NUP58: variants seen among roughly 807,000 people sequenced by gnomAD.
The protein encoded by NUP58 is nucleoporin p58/p45.
NUP58 carries 17 observed loss-of-function variants against 70.1 expected under a neutral mutation model. That is an observed-to-expected ratio of 0.24 (90% CI 0.17 to 0.36). The LOEUF is 0.36. Ranked by LOEUF, NUP58 falls within the 10% of genes least tolerant of loss-of-function variation. The probability of loss-of-function intolerance (pLI) is 1.00; values close to 1 mark genes in which losing one functional copy is unlikely to be tolerated. For missense variants in NUP58, 644 were observed against 701.5 expected, an observed-to-expected ratio of 0.92 and a Z score of 0.93; for synonymous variants, 275 against 257.6, an observed-to-expected ratio of 1.07 and a Z score of -0.65.
Position 25,338,702 on chromosome 13 carries a change from C to G in NUP58, c.1601C>G (p.Thr534Arg). The G allele has an allele frequency of 3.7e-6, 6 of 1,613,700 alleles. No homozygotes were observed. The highest frequency in any genetic ancestry group is 5.1e-6 in the Non-Finnish European group (6 of 1,179,696). Residue 534 changes from threonine to arginine, a missense_variant, in exon 15 of 16, where the codon ACA becomes AGA. This residue lies in a region of NUP58 where 132 missense variants were observed against 203.9 expected (regional missense o/e 0.65). Coordinates refer to ENST00000381736, the MANE Select transcript of NUP58 (RefSeq NM_014089.4). Reference sequence around the variant, plus strand: ...GCCTCCACATTTGGATTTGGAACAACAAATAAACCCTCAGGAAGTCTTAGT... The same window carrying G: ...GCCTCCACATTTGGATTTGGAACAAGAAATAAACCCTCAGGAAGTCTTAGT... The part of the protein sequence containing the change: ...TGASTFGFGT[T>R]NKPSGSLSAG...
At chr13:25,326,667 A>G (rs1041893644) in intron 10 of NUP58, among the ~76,000 whole-genome samples, 1 of 152,168 alleles carries the variant, frequency 6.6e-6, no homozygotes, top group African/African-American at 2.4e-5. Flanking sequence ...TAACTAAACT[A>G]CTAAACTTAC....
intron 2 of NUP58, among the ~76,000 whole-genome samples, chr13:25,308,844 G>A (rs1262814599): frequency 1.3e-5 from 2 of 152,006 alleles, no homozygotes; most frequent in African/African-American, 2.4e-5. Flanking sequence ...TTTTTGCGTT[G>A]ATCTTCCAGC....
chr13:25,346,447 G>A (rs1300006171), downstream of NUP58, among the ~76,000 whole-genome samples: 5 of 152,122 alleles, frequency 3.3e-5, no homozygotes, highest in African/African-American at 7.2e-5. Context: ...AAGGCCAGGC[G>A]TGGTGCTCAT....
At chr13:25,303,303 C>T (rs974374893) in intron 1 of NUP58, 5 of 353,626 alleles carry the variant, frequency 1.4e-5, no homozygotes, top group African/African-American at 1.1e-4. Flanking sequence ...GAGCGGGACT[C>T]ATCTTGAGCC....
At chr13:25,305,208 A>G (rs939012051) in intron 1 of NUP58, among the ~76,000 whole-genome samples, 8 of 138,318 alleles carry the variant, frequency 5.8e-5, no homozygotes, top group Non-Finnish European at 1.2e-4. Context: ...CAGTGGCGCA[A>G]TCTCAGCCCG....
chr13:25,305,757 G>A (rs2030319637), intron 1 of NUP58, among the ~76,000 whole-genome samples: 1 of 152,114 alleles, frequency 6.6e-6, no homozygotes, highest in Admixed American at 6.5e-5. Context: ...CTGAAGGTGT[G>A]TACATTTCTA....
In NUP58 at chr13:25,315,476, T is replaced by G. The variant is rs2030883887; in HGVS notation, c.685+9T>G. On this transcript the variant is annotated intron_variant, in intron 6 of 15. Coordinates refer to ENST00000381736, the MANE Select transcript of NUP58 (RefSeq NM_014089.4). Reference sequence around the variant, plus strand: ...CTCCTCAGATAAAAAGAGTAAGTAATGCTGTTGTAACTTTATGTTTTAACA... The same window carrying G: ...CTCCTCAGATAAAAAGAGTAAGTAAGGCTGTTGTAACTTTATGTTTTAACA... 1 of 1,572,012 alleles carries G rather than the reference T, an allele frequency of 6.4e-7. No homozygotes were observed. Among genetic ancestry groups the G allele is most frequent in the Non-Finnish European group, 8.7e-7 (1 of 1,143,058 alleles).
Position 25,301,640 on chromosome 13 carries a change from G to T in NUP58, c.-134G>T, listed in dbSNP as rs2029993089. 2.2e-6 allele frequency: 1 copy of T among 461,960 alleles called. No homozygotes were observed. The allele number at this position is 461,960 out of a possible 1,614,324, so 28.6% of individuals were successfully genotyped here. A position where few individuals can be genotyped will look rare whatever the true frequency, so the allele number is the denominator to read the frequency against. On this transcript the variant is annotated 5_prime_UTR_variant, in exon 1 of 16. Transcript: ENST00000381736. ...CCACCCCCTCAGCCTTGCCTTCGCC[G>T]CCGTTGGGGCTGGAAGTTCCCGCCA...
chr13:25,320,859 ATT>A, intron 8 of NUP58, 58 bp from the exon 9 acceptor site: 2 of 1,110,642 alleles, frequency 1.8e-6, no homozygotes, highest in Non-Finnish European at 2.5e-6. Context: ...GTATATATAT[ATT>A]TTGTGTAGGA....
chr13:25,313,849 A>G (rs1343578214), intron 5 of NUP58, 98 bp downstream of exon 5: 5 of 938,888 alleles, frequency 5.3e-6, no homozygotes, highest in South Asian at 4.7e-5. Context: ...TTTAATCTGC[A>G]TATTTTCCTT....
In NUP58 at chr13:25,338,880, C is replaced by G. The variant is rs962946751; in HGVS notation, c.1630+149C>G. 1.2e-4 allele frequency: 65 copies of G among 526,410 alleles called. No individual in the cohort carries two copies. The South Asian group carries it at 1.4e-3, about 11-fold the overall frequency. 32.6% of individuals were successfully genotyped at this position (526,410 alleles called of 1,614,324 possible). ...GATGAAGTGTGCAAGCCTAACTAAT[C>G]ATTTTACTTTATCTCTCTCATAAAC... On this transcript the variant is annotated intron_variant, in intron 15 of 15. Coordinates refer to ENST00000381736, the MANE Select transcript of NUP58 (RefSeq NM_014089.4).
intron 3 of NUP58, among the ~76,000 whole-genome samples, chr13:25,349,163 A>G (rs1361363871): frequency 6.6e-6 from 1 of 152,212 alleles, no homozygotes; most frequent in Non-Finnish European, 1.5e-5. Flanking sequence ...CTCCCATATT[A>G]GGCTGCATAA....
chr13:25,307,071 T>C (rs2030401213), intron 1 of NUP58, among the ~76,000 whole-genome samples: 1 of 152,192 alleles, frequency 6.6e-6, no homozygotes, highest in African/African-American at 2.4e-5. Flanking sequence ...TAATTTAAAA[T>C]AACTTTTCTA....
intron 14 of NUP58, 24 bp downstream of exon 14, chr13:25,337,058 T>G (rs1593201429): frequency 2.7e-6 from 4 of 1,477,378 alleles, no homozygotes; most frequent in Non-Finnish European, 9.3e-7. Context: ...TTTCTAATAT[T>G]TCATTGAACT....
At chr13:25,331,739 T>C in intron 13 of NUP58, 181 bp downstream of exon 13, 2 of 1,420,930 alleles carry the variant, frequency 1.4e-6, no homozygotes, top group Non-Finnish European at 1.8e-6. Flanking sequence ...CAGGGTAGTC[T>C]TAGCAATAAT....
At chr13:25,338,899 C>T (rs1284150030) in intron 15 of NUP58, 168 bp downstream of exon 15, 4 of 475,806 alleles carry the variant, frequency 8.4e-6, no homozygotes, top group African/African-American at 4.0e-5. Context: ...TTATCTCTCT[C>T]ATAAACTAAA....
chr13:25,327,354 A>G (rs1593193213), intron 11 of NUP58, 76 bp from the exon 12 acceptor site: 1 of 932,872 alleles, frequency 1.1e-6, no homozygotes, highest in Non-Finnish European at 1.6e-6. Context: ...CAAAAATTGG[A>G]CTCAAATAGA....
downstream of NUP58, among the ~76,000 whole-genome samples, chr13:25,343,737 G>A (rs776065446): frequency 2.0e-5 from 3 of 150,990 alleles, no homozygotes; most frequent in Non-Finnish European, 4.4e-5. Context: ...GATTATAGGC[G>A]TGAGCTACCA....
At chr13:25,323,153 A>G (rs989711703) in intron 9 of NUP58, among the ~76,000 whole-genome samples, 1 of 152,144 alleles carries the variant, frequency 6.6e-6, no homozygotes, top group African/African-American at 2.4e-5. Context: ...ATGAAATAAT[A>G]AAAGATTGAG....
Sources: gnomAD v4.1 joint callset for allele counts (sites outside exome capture counted in the v4.1 genomes callset) on GRCh38, gnomAD v4.1.1 for gene constraint, gnomAD v4.1.1 regional missense constraint, MANE v1.5 for transcripts, NCBI Gene and HGNC (gene_info 2026-07-23, HGNC 2026-07-21) for gene names.